ADARB2: variants seen among roughly 807,000 people sequenced by gnomAD.
ADARB2 encodes adenosine deaminase RNA specific B2 (inactive).
Under a neutral mutation model 62.2 loss-of-function variants are expected in ADARB2, and 25 were observed. The observed-to-expected ratio is 0.40, with a 90% CI of 0.29 to 0.56. ADARB2 has a LOEUF of 0.56. Among genes scored for constraint, ADARB2 ranks in the 20% least tolerant of loss-of-function variants. The pLI, the probability that ADARB2 is intolerant of heterozygous loss-of-function variation, is 0.43. For missense variants in ADARB2, 1,071 were observed against 1,077.4 expected (o/e 0.99, Z 0.08); for synonymous variants, 572 against 500.8 (o/e 1.14, Z -1.90).
chr10:1,485,856 C>T (rs1831534781), intron 1 of ADARB2, among the ~76,000 whole-genome samples: 1 of 152,202 alleles, frequency 6.6e-6, no homozygotes, highest in Admixed American at 6.5e-5. Context: ...TTGTAATGGA[C>T]AAAATATTGG....
intron 1 of ADARB2, among the ~76,000 whole-genome samples, chr10:1,556,294 G>A (rs1047408365): frequency 2.9e-4 from 43 of 150,854 alleles, no homozygotes; most frequent in African/African-American, 1.0e-3. Flanking sequence ...TTTACTGGGG[G>A]ACAAATCCCT....
chr10:1,711,519 G>A (rs866921935), intron 1 of ADARB2, among the ~76,000 whole-genome samples: 8 of 152,286 alleles, frequency 5.3e-5, no homozygotes, highest in Middle Eastern at 3.4e-3. Context: ...GTCTCATAGA[G>A]GATTCCTTAC....
At chr10:1,735,533 C>T (rs143911602) in intron 1 of ADARB2, among the ~76,000 whole-genome samples, 2,251 of 152,302 alleles carry the variant, frequency 0.015, 37 homozygotes, top group Non-Finnish European at 0.025. Flanking sequence ...AAAGATGATG[C>T]TTCCTTTTTC....
chr10:1,233,893 A>T, intron 5 of ADARB2, 48 bp from the exon 6 acceptor site: 3 of 1,581,712 alleles, frequency 1.9e-6, no homozygotes, highest in South Asian at 2.3e-5. Flanking sequence ...ACCAAACCAG[A>T]AATGTTCCAA....
chr10:1,305,321 C>G (rs1472056498), intron 3 of ADARB2, among the ~76,000 whole-genome samples: 7 of 151,710 alleles, frequency 4.6e-5, no homozygotes, highest in Non-Finnish European at 5.9e-5. Flanking sequence ...ATAAATTCCT[C>G]GACACATACA....
intron 3 of ADARB2, among the ~76,000 whole-genome samples, chr10:1,323,250 TAAAA>T (rs201803705): frequency 0.4 from 52,685 of 130,340 alleles, 9,749 homozygotes; most frequent in African/African-American, 0.49. Flanking sequence ...TTTGAAATTG[TAAAA>T]AAAAAAAAAA....
At chr10:1,410,910 C>T (rs544970806) in intron 1 of ADARB2, among the ~76,000 whole-genome samples, 4 of 152,292 alleles carry the variant, frequency 2.6e-5, no homozygotes, top group Admixed American at 2.0e-4. Flanking sequence ...CAGTCAGTTA[C>T]GGCCTCTCCC....
chr10:1,197,931 A>G (rs188842536), intron 8 of ADARB2, among the ~76,000 whole-genome samples: 14 of 152,362 alleles, frequency 9.2e-5, no homozygotes, highest in Admixed American at 3.3e-4. Flanking sequence ...AAGGATGATT[A>G]TTCAAAGCAT....
chr10:1,651,731 TG>T (rs1033508399), intron 1 of ADARB2, among the ~76,000 whole-genome samples: 20 of 152,014 alleles, frequency 1.3e-4, no homozygotes, highest in African/African-American at 4.8e-4. Context: ...TGCCTGAGCG[TG>T]GTGGGCGTGA....
In ADARB2 at chr10:1,558,958, G is replaced by A. The variant is rs369346474; in HGVS notation, c.100+178093C>T. Among the ~76,000 whole-genome samples the A allele has an allele frequency of 3.3e-5, 5 of 152,366 alleles. No homozygotes were observed. In the South Asian group the frequency reaches 6.2e-4, roughly 19 times the overall value. On this transcript the variant is annotated intron_variant, in intron 1 of 9. Transcript: ENST00000381312. ...ACAGTGGGCTGGTTTGTTCACGTTT[G>A]GACTCAAAGCCTGGCACATGTACAT...
intron 8 of ADARB2, chr10:1,186,367 A>G (rs1042497509): frequency 2.1e-5 from 9 of 430,144 alleles, no homozygotes; most frequent in South Asian, 3.4e-5. Context: ...TGGTCCACAC[A>G]ACAGTGAGTC....
chr10:1,192,869 G>A (rs1431672651), intron 8 of ADARB2, among the ~76,000 whole-genome samples: 1 of 152,260 alleles, frequency 6.6e-6, no homozygotes, highest in East Asian at 1.9e-4. Context: ...CGTGAACCCG[G>A]GAGGCAGAGG....
intron 3 of ADARB2, among the ~76,000 whole-genome samples, chr10:1,315,365 G>A (rs781735194): frequency 2.0e-5 from 3 of 152,216 alleles, no homozygotes; most frequent in Non-Finnish European, 4.4e-5. Flanking sequence ...CACCCAGCAC[G>A]GCTGAGTGAG....
Position 1,257,670 on chromosome 10 carries a change from G to A in ADARB2, c.1192+13285C>T, listed in dbSNP as rs547956139. Among the ~76,000 whole-genome samples, 354 of 152,322 alleles carry A rather than the reference G, an allele frequency of 2.3e-3. 2 individuals are homozygous for A. The highest frequency in any genetic ancestry group is 4.3e-3 in the Non-Finnish European group (293 of 68,032). Reference sequence around the variant, plus strand: ...TGTGTGGGAAAGAGAGGTGCGGAGAGAGGAAAGTTTGGTTATAACAGCATA... The same window carrying A: ...TGTGTGGGAAAGAGAGGTGCGGAGAAAGGAAAGTTTGGTTATAACAGCATA... On this transcript the variant is annotated intron_variant, in intron 4 of 9. Transcript: ENST00000381312.
chr10:1,680,023 C>T (rs998767339), intron 1 of ADARB2, among the ~76,000 whole-genome samples: 16 of 152,104 alleles, frequency 1.1e-4, no homozygotes, highest in Non-Finnish European at 1.6e-4. Flanking sequence ...GCTCCAGTGC[C>T]GTGGCCAGCG....
At chr10:1,622,573 A>C (rs1833716447) in intron 1 of ADARB2, among the ~76,000 whole-genome samples, 3 of 152,222 alleles carry the variant, frequency 2.0e-5, no homozygotes, top group Admixed American at 2.0e-4. Flanking sequence ...AAACTTAAAA[A>C]GATGTATACC....
chr10:1,435,101 G>A (rs118138368), intron 1 of ADARB2, among the ~76,000 whole-genome samples: 2 of 152,216 alleles, frequency 1.3e-5, no homozygotes, highest in African/African-American at 4.8e-5. Flanking sequence ...CGTGGAGCAC[G>A]AGGGAGGGCA....
At chr10:1,557,840 A>T (rs986843224) in intron 1 of ADARB2, among the ~76,000 whole-genome samples, 1 of 120,282 alleles carries the variant, frequency 8.3e-6, no homozygotes, top group Non-Finnish European at 1.8e-5. Context: ...TGAACCCGGG[A>T]GGCGGAGGTT....
At chr10:1,512,362 C>T (rs1831948026) in intron 1 of ADARB2, among the ~76,000 whole-genome samples, 1 of 152,100 alleles carries the variant, frequency 6.6e-6, no homozygotes, top group South Asian at 2.1e-4. Flanking sequence ...ATACTGTCTA[C>T]ACTGGATACC....
Sources: gnomAD v4.1 joint callset for allele counts (sites outside exome capture counted in the v4.1 genomes callset) on GRCh38, gnomAD v4.1.1 for gene constraint, MANE v1.5 for transcripts, NCBI Gene and HGNC (gene_info 2026-07-23, HGNC 2026-07-21) for gene names.